SYT9: variants seen among roughly 807,000 people sequenced by gnomAD.
The protein encoded by SYT9 is synaptotagmin 9, also known as synaptotagmin-9.
SYT9 carries 22 observed loss-of-function variants against 48.4 expected under a neutral mutation model. The ratio of observed to expected loss-of-function variants is 0.45; its 90% confidence interval spans 0.32 to 0.65. SYT9 has a LOEUF of 0.65. Among genes scored for constraint, SYT9 ranks in the 30% least tolerant of loss-of-function variants. The pLI, the probability that SYT9 is intolerant of heterozygous loss-of-function variation, is 0.03. For missense variants in SYT9, 577 were observed against 622.0 expected (o/e 0.93, Z 0.77); for synonymous variants, 265 against 245.0 (o/e 1.08, Z -0.76).
intron 1 of SYT9, among the ~76,000 whole-genome samples, chr11:7,300,165 T>C (rs1430687308): frequency 6.6e-6 from 1 of 152,264 alleles, no homozygotes; most frequent in East Asian, 1.9e-4. Context: ...CCTAGTGACT[T>C]AATACACTAA....
chr11:7,295,465 G>C lies in SYT9; in HGVS notation c.146-7574G>C, dbSNP rs1848783152. 1.3e-5 allele frequency among the ~76,000 whole-genome samples: 2 copies of C among 152,174 alleles called. 1 individual carries two copies. Among genetic ancestry groups the C allele is most frequent in the South Asian group, 4.2e-4 (2 of 4,804 alleles). On this transcript the variant is annotated intron_variant, in intron 1 of 6. Coordinates refer to ENST00000318881, the MANE Select transcript of SYT9 (RefSeq NM_175733.4). ...AGACTTTATCAGAATGGTCTTTACT[G>C]TTCATATACTACCAACATTCTGGTC...
Position 7,460,206 on chromosome 11 carries a change from G to T in SYT9, c.1468-6586G>T, listed in dbSNP as rs147300708. Among the ~76,000 whole-genome samples the T allele has an allele frequency of 4.3e-3, 657 of 152,190 alleles. 1 individual carries two copies. Among genetic ancestry groups the T allele is most frequent in the African/African-American group, 0.015 (623 of 41,526 alleles). ...TAATGATTATAGATCTAATAATTCT[G>T]TTTTGAAATAAAAACACTTTTTTCA... On this transcript the variant is annotated intron_variant, in intron 6 of 6. Transcript: ENST00000318881.
At chr11:7,245,185 T>C (rs1041938104) in intron 1 of SYT9, among the ~76,000 whole-genome samples, 2 of 152,218 alleles carry the variant, frequency 1.3e-5, no homozygotes, top group East Asian at 3.8e-4. Context: ...AGAAGTTCCA[T>C]GGAGAAGTTA....
At chr11:7,456,554 T>A (rs1446144787) in intron 6 of SYT9, among the ~76,000 whole-genome samples, 1 of 152,252 alleles carries the variant, frequency 6.6e-6, no homozygotes, top group African/African-American at 2.4e-5. Flanking sequence ...AATGGTGATA[T>A]CCTGAAATCA....
intron 3 of SYT9, among the ~76,000 whole-genome samples, chr11:7,328,589 T>C (rs1170633050): frequency 9.2e-5 from 14 of 152,142 alleles, no homozygotes; most frequent in Admixed American, 1.3e-4. Flanking sequence ...TCTGATATTT[T>C]ACTCCTATCT....
rs1463169868 is a variant in SYT9 at position 7,251,946 on chromosome 11, G to A, written c.-241G>A. 12 of 420,478 alleles carry A rather than the reference G, an allele frequency of 2.9e-5. No homozygotes were observed. Among genetic ancestry groups the A allele is most frequent in the Non-Finnish European group, 5.0e-5 (12 of 239,136 alleles). 26.0% of individuals were successfully genotyped at this position (420,478 alleles called of 1,614,324 possible). On this transcript the variant is annotated 5_prime_UTR_variant, in exon 1 of 7. Coordinates refer to ENST00000318881, the MANE Select transcript of SYT9 (RefSeq NM_175733.4). Reference sequence around the variant, plus strand: ...ACCGCCTCTCCTCGGTGTCTGGGGAGGGACGGAGGGACCGGGCGGGAGAGA... The same window carrying A: ...ACCGCCTCTCCTCGGTGTCTGGGGAAGGACGGAGGGACCGGGCGGGAGAGA...
chr11:7,436,773 C>T (rs767229528), intron 6 of SYT9, among the ~76,000 whole-genome samples: 2 of 152,326 alleles, frequency 1.3e-5, no homozygotes, highest in East Asian at 3.9e-4. Context: ...AAGAGGAAGA[C>T]GTGACCCAGC....
At chr11:7,446,914 AG>A (rs1847944017) in intron 6 of SYT9, among the ~76,000 whole-genome samples, 2 of 152,158 alleles carry the variant, frequency 1.3e-5, no homozygotes, top group Non-Finnish European at 2.9e-5. Context: ...CCAATCCCTG[AG>A]GGGAGCTTGG....
intron 3 of SYT9, among the ~76,000 whole-genome samples, chr11:7,380,879 G>C (rs1233288571): frequency 6.6e-6 from 1 of 152,074 alleles, no homozygotes; most frequent in Non-Finnish European, 1.5e-5. Flanking sequence ...TAGGCCCTCA[G>C]ATAATTTATC....
At chr11:7,350,618 C>G (rs1487880) in intron 3 of SYT9, among the ~76,000 whole-genome samples, 2 of 151,940 alleles carry the variant, frequency 1.3e-5, no homozygotes, top group African/African-American at 4.8e-5. Flanking sequence ...CCTTCATCTT[C>G]CATATCTCAA....
intron 3 of SYT9, among the ~76,000 whole-genome samples, chr11:7,395,118 C>A (rs943479616): frequency 6.6e-6 from 1 of 151,924 alleles, no homozygotes; most frequent in Non-Finnish European, 1.5e-5. Flanking sequence ...ACCCATCACC[C>A]GAGCGGTATA....
At chr11:7,409,841 G>C (rs1564893704) in intron 3 of SYT9, among the ~76,000 whole-genome samples, 1 of 151,684 alleles carries the variant, frequency 6.6e-6, no homozygotes, top group East Asian at 1.9e-4. Flanking sequence ...GTATTTTTTA[G>C]TCTATCTCAT....
intron 3 of SYT9, among the ~76,000 whole-genome samples, chr11:7,358,026 C>T (rs1850055692): frequency 6.6e-6 from 1 of 152,034 alleles, no homozygotes; most frequent in South Asian, 2.1e-4. Flanking sequence ...AGAAAAAACA[C>T]TGGCTTTTAG....
chr11:7,354,611 A>G (rs1194098550), intron 3 of SYT9, among the ~76,000 whole-genome samples: 1 of 152,056 alleles, frequency 6.6e-6, no homozygotes, highest in East Asian at 1.9e-4. Flanking sequence ...TCCTAAGTAG[A>G]TTGAGTAATT....
intron 6 of SYT9, among the ~76,000 whole-genome samples, chr11:7,430,915 G>GT (rs755121641): frequency 4.1e-4 from 62 of 152,254 alleles, no homozygotes; most frequent in Middle Eastern, 3.4e-3. Flanking sequence ...CCAGTCCCAG[G>GT]TATTTCTTTA....
At chr11:7,343,865 A>G (rs1256963545) in intron 3 of SYT9, among the ~76,000 whole-genome samples, 1 of 152,226 alleles carries the variant, frequency 6.6e-6, no homozygotes, top group Admixed American at 6.5e-5. Context: ...GGTAAAAGGC[A>G]TGTCTTACAT....
At chr11:7,385,672 C>T (rs920435428) in intron 3 of SYT9, among the ~76,000 whole-genome samples, 2 of 152,058 alleles carry the variant, frequency 1.3e-5, no homozygotes, top group African/African-American at 4.8e-5. Flanking sequence ...AAAATCAATA[C>T]ATAAAGCAAA....
intron 3 of SYT9, among the ~76,000 whole-genome samples, chr11:7,378,933 T>C (rs1200983903): frequency 1.3e-5 from 2 of 152,192 alleles, no homozygotes; most frequent in Non-Finnish European, 2.9e-5. Flanking sequence ...CAAAAGCCGA[T>C]AAAACACACT....
chr11:7,250,451 A>AC (rs59724555), upstream of SYT9, among the ~76,000 whole-genome samples: 2,365 of 91,838 alleles, frequency 0.026, 19 homozygotes, highest in Middle Eastern at 0.039. Context: ...CCCCCCCGCC[A>AC]CCCCCCCCCA....
Sources: allele counts gnomAD v4.1 joint callset (sites outside exome capture counted in the v4.1 genomes callset), GRCh38; gene constraint gnomAD v4.1.1; transcripts MANE v1.5; gene names NCBI Gene and HGNC (gene_info 2026-07-23, HGNC 2026-07-21).